Variants in SPATA9 observed in about 807,000 individuals in gnomAD.
The protein encoded by SPATA9 is spermatogenesis associated 9.
In SPATA9, 27 loss-of-function variants were observed where a neutral mutation model predicts 25.5. That is an observed-to-expected ratio of 1.06 (90% CI 0.78 to 1.46). SPATA9 has a LOEUF of 1.46. Ranked by LOEUF, SPATA9 falls within the 40% of genes most tolerant of loss-of-function variation. SPATA9 has a pLI of 0.00. For synonymous variants in SPATA9, 102 were observed against 105.7 expected (o/e 0.97, Z 0.21); for missense variants, 282 against 297.5 (o/e 0.95, Z 0.38).
intron 3 of SPATA9, among the ~76,000 whole-genome samples, chr5:95,665,137 TG>T (rs1343397234): frequency 2.0e-5 from 3 of 152,252 alleles, no homozygotes; most frequent in Non-Finnish European, 2.9e-5. Context: ...TAGAAGTCTA[TG>T]TTATATAATG....
intron 3 of SPATA9, among the ~76,000 whole-genome samples, chr5:95,668,289 T>C (rs1561400779): frequency 6.6e-6 from 1 of 152,262 alleles, no homozygotes. Flanking sequence ...AATTAATCTT[T>C]ATATTGTTTA....
chr5:95,662,362 G>A (rs936020782), intron 4 of SPATA9, among the ~76,000 whole-genome samples: 2 of 152,110 alleles, frequency 1.3e-5, no homozygotes, highest in Admixed American at 1.3e-4. Context: ...CTTTGACACA[G>A]AAAGCACGTA....
At chr5:95,685,392 A>G (rs537203390), upstream of SPATA9, among the ~76,000 whole-genome samples, 2 of 152,288 alleles carry the variant, frequency 1.3e-5, no homozygotes, top group African/African-American at 2.4e-5. Context: ...TCCTCACTTC[A>G]TGTATTACCT....
chr5:95,675,690 A>T (rs1295346333), intron 2 of SPATA9, 51 bp from the exon 3 acceptor site: 8 of 1,497,904 alleles, frequency 5.3e-6, no homozygotes, highest in Non-Finnish European at 5.5e-6. Flanking sequence ...CCAGTGCATT[A>T]TTAAAACTAC....
chr5:95,695,031 C>T (rs73780147), intron 1 of SPATA9, among the ~76,000 whole-genome samples: 6,765 of 152,034 alleles, frequency 0.044, 475 homozygotes, highest in African/African-American at 0.15. Flanking sequence ...GATGTGTTTC[C>T]AGATGTTAAA....
the SPATA9 span, chr5:95,717,078 G>A: frequency 6.6e-6 from 1 of 152,210 alleles, no homozygotes; most frequent in Admixed American, 6.5e-5. Context: ...ATATTCGGTT[G>A]CTTCTGTGAA....
rs542730709 is a variant in SPATA9, at chr5:95,658,619, G to C, written c.*4C>G. 6.2e-7 allele frequency: 1 copy of C among 1,610,582 alleles called. No individual in the cohort carries two copies. The highest frequency in any genetic ancestry group is 1.3e-5 in the African/African-American group (1 of 74,746). Reference sequence around the variant, plus strand: ...TCTTAAGTTCTGTTCAGTGATACCTGTATTCAGATTTGCTCATTCATTTCA... The same window carrying C: ...TCTTAAGTTCTGTTCAGTGATACCTCTATTCAGATTTGCTCATTCATTTCA... On this transcript the variant is annotated 3_prime_UTR_variant, in exon 5 of 5. Coordinates refer to ENST00000274432, the MANE Select transcript of SPATA9 (RefSeq NM_031952.4).
chr5:95,653,486 T>C (rs1750488848), downstream of SPATA9, among the ~76,000 whole-genome samples: 1 of 152,270 alleles, frequency 6.6e-6, no homozygotes, highest in Non-Finnish European at 1.5e-5. Flanking sequence ...TTCTGAAATT[T>C]CCTTCTTGAC....
chr5:95,715,239 G>T, the SPATA9 span, among the ~76,000 whole-genome samples: 2 of 151,612 alleles, frequency 1.3e-5, no homozygotes, highest in Non-Finnish European at 2.9e-5. Flanking sequence ...CAGGAGAATG[G>T]CATGAACCCG....
intron 3 of SPATA9, chr5:95,674,735 A>T (rs1186972642): frequency 2.2e-6 from 1 of 456,430 alleles, no homozygotes; most frequent in African/African-American, 2.0e-5. Context: ...TGTTTATGGG[A>T]GCTAATACAT....
At chr5:95,682,482 G>T in intron 2 of SPATA9, 46 bp downstream of exon 2, 1 of 1,297,846 alleles carries the variant, frequency 7.7e-7, no homozygotes, top group Non-Finnish European at 1.1e-6. Flanking sequence ...ACTAAAAATA[G>T]AATATATTTT....
chr5:95,704,370 T>C, the SPATA9 span, among the ~76,000 whole-genome samples: 10 of 152,184 alleles, frequency 6.6e-5, no homozygotes, highest in African/African-American at 2.2e-4. Context: ...CACATGACTG[T>C]AGCAGCTGCT....
rs73149630 is a variant in SPATA9, at chr5:95,674,998, A to C, written c.378+414T>G. On this transcript the variant is annotated intron_variant, in intron 3 of 4. Transcript: ENST00000274432. ...CTCAACAAAATATAACACAGCCTCAATAAGAATGTAGAAAACGTAATTTGA... is the reference window on the plus strand; with the variant it reads ...CTCAACAAAATATAACACAGCCTCACTAAGAATGTAGAAAACGTAATTTGA... Among the ~76,000 whole-genome samples, 1,473 of 152,338 alleles carry C rather than the reference A, an allele frequency of 9.7e-3. 19 individuals carry two copies. Among genetic ancestry groups the C allele is most frequent in the African/African-American group, 0.033 (1,389 of 41,568 alleles).
At chr5:95,667,478 AAG>A (rs1420503087) in intron 3 of SPATA9, among the ~76,000 whole-genome samples, 1 of 152,192 alleles carries the variant, frequency 6.6e-6, no homozygotes, top group African/African-American at 2.4e-5. Flanking sequence ...GGCTTCTGGA[AAG>A]AGTTTCCAGG....
At chr5:95,664,681 T>G (rs1198747252) in intron 3 of SPATA9, among the ~76,000 whole-genome samples, 1 of 152,218 alleles carries the variant, frequency 6.6e-6, no homozygotes, top group Non-Finnish European at 1.5e-5. Flanking sequence ...TTATACTGTC[T>G]CATGGGCCAC....
In SPATA9 at chr5:95,658,502, C is replaced by A; in HGVS notation, c.*121G>T. 1.5e-6 allele frequency: 1 copy of A among 648,136 alleles called. No homozygotes were observed. Among genetic ancestry groups the A allele is most frequent in the African/African-American group, 2.2e-5 (1 of 46,042 alleles). The allele number at this position is 648,136 out of a possible 1,614,324, so 40.1% of individuals were successfully genotyped here. ...GAAAATGACATTTTAATAGTAGCCC[C>A]CTTCTCTTTTTTTTAAGAAAGCAGA... is the stretch of plus-strand genomic sequence containing the variant. On this transcript the variant is annotated 3_prime_UTR_variant, in exon 5 of 5. Transcript: ENST00000274432.
At chr5:95,657,459 AGAT>A (rs1283107770), downstream of SPATA9, 1 of 151,884 alleles carries the variant, frequency 6.6e-6, no homozygotes, top group East Asian at 1.9e-4. Flanking sequence ...TAAAATGAGT[AGAT>A]GATGAATTCA....
In SPATA9 at chr5:95,671,498, C is replaced by T. The variant is rs527730530; in HGVS notation, c.378+3914G>A. Reference sequence around the variant, plus strand: ...CGATCTTGGCTCACTGCAACCTCGCCTCCAGGGTTCAAGCGATTCTCCTGC... The same window carrying T: ...CGATCTTGGCTCACTGCAACCTCGCTTCCAGGGTTCAAGCGATTCTCCTGC... On this transcript the variant is annotated intron_variant, in intron 3 of 4. Transcript: ENST00000274432. Among the ~76,000 whole-genome samples the T allele has an allele frequency of 3.3e-5, 5 of 152,294 alleles. 1 individual carries two copies. Among genetic ancestry groups the T allele is most frequent in the African/African-American group, 1.2e-4 (5 of 41,560 alleles).
intron 2 of SPATA9, among the ~76,000 whole-genome samples, chr5:95,680,149 C>T (rs1352860866): frequency 6.6e-6 from 1 of 152,202 alleles, no homozygotes; most frequent in Non-Finnish European, 1.5e-5. Context: ...CCGCCTGCCT[C>T]GGCCTCCCAA....
Sources: gnomAD v4.1 joint callset for allele counts (sites outside exome capture counted in the v4.1 genomes callset) on GRCh38, gnomAD v4.1.1 for gene constraint, MANE v1.5 for transcripts, NCBI Gene and HGNC (gene_info 2026-07-23, HGNC 2026-07-21) for gene names.